ZBTB46: variants seen among roughly 807,000 people sequenced by gnomAD.
ZBTB46 encodes zinc finger and BTB domain-containing protein 46.
A neutral mutation model predicts 44.1 loss-of-function variants in ZBTB46; 8 were observed. The ratio of observed to expected loss-of-function variants is 0.18; its 90% CI spans 0.11 to 0.33. The LOEUF is 0.33. Ranked by LOEUF, ZBTB46 falls within the 10% of genes least tolerant of loss-of-function variation. The pLI is 1.00. For missense variants in ZBTB46, 651 were observed against 847.7 expected (o/e 0.77, Z 2.88); for synonymous variants, 409 against 382.3 (o/e 1.07, Z -0.81).
At chr20:63,764,605 G>GTT (rs11479608) in intron 3 of ZBTB46, among the ~76,000 whole-genome samples, 6 of 141,874 alleles carry the variant, frequency 4.2e-5, no homozygotes, top group Non-Finnish European at 6.1e-5. Context: ...TTTTTTCTCT[G>GTT]TTTTTTTTTT....
At chr20:63,753,659 T>A (rs540150656) in intron 3 of ZBTB46, among the ~76,000 whole-genome samples, 34 of 152,384 alleles carry the variant, frequency 2.2e-4, no homozygotes, top group African/African-American at 8.2e-4. Context: ...TGCACGCATG[T>A]GCCGAGGGCT....
At chr20:63,778,867 A>G (rs774813226) in intron 2 of ZBTB46, among the ~76,000 whole-genome samples, 44 of 152,246 alleles carry the variant, frequency 2.9e-4, no homozygotes, top group Non-Finnish European at 5.0e-4. Context: ...ATGACAAAAT[A>G]CCACAGGCAG....
rs777532175 is a variant in ZBTB46, at chr20:63,746,925, C to T, written c.*5G>A. The T allele has an allele frequency of 1.7e-5, 26 of 1,518,806 alleles. No homozygotes were observed. The highest frequency in any genetic ancestry group is 5.1e-5 in the South Asian group (4 of 79,046). The allele number at this position is 1,518,806 out of a possible 1,614,324, so 94.1% of individuals were successfully genotyped here. The stretch of plus-strand genomic sequence containing the variant: ...GGCAGCCACCGACCCTGCCGGCGGG[C>T]GGGCCTAGGAGAGCCAGGCGAAGTC... On this transcript the variant is annotated 3_prime_UTR_variant, in exon 5 of 5. Transcript: ENST00000245663.
intron 3 of ZBTB46, among the ~76,000 whole-genome samples, chr20:63,770,102 C>T (rs2092354576): frequency 6.6e-6 from 1 of 152,262 alleles, no homozygotes; most frequent in Non-Finnish European, 1.5e-5. Context: ...GCTCCAGAGG[C>T]CGCGTCCCAC....
In ZBTB46 at chr20:63,815,545, G is replaced by A. The variant is rs1250215435; in HGVS notation, c.-34+15552C>T. On this transcript the variant is annotated intron_variant, in intron 1 of 4. Coordinates refer to ENST00000245663, the MANE Select transcript of ZBTB46 (RefSeq NM_001369741.1). ...GCAGGTGGGCACAGGTCCAGTGGGTGCAGGTGCAGTGGGTGCAGATGGGCA... is the reference window on the plus strand; with the variant it reads ...GCAGGTGGGCACAGGTCCAGTGGGTACAGGTGCAGTGGGTGCAGATGGGCA... Among the ~76,000 whole-genome samples the A allele has an allele frequency of 1.1e-4, 11 of 98,314 alleles. No homozygotes were observed. The South Asian group carries it at 1.6e-3, about 14-fold the overall frequency. 64.5% of individuals were successfully genotyped at this position (98,314 alleles called of 152,430 possible). A position where few individuals can be genotyped will look rare whatever the true frequency, so the allele number is the denominator to read the frequency against.
intron 1 of ZBTB46, among the ~76,000 whole-genome samples, chr20:63,802,418 T>C (rs1264404397): frequency 6.7e-6 from 1 of 150,272 alleles, no homozygotes; most frequent in East Asian, 2.0e-4. Flanking sequence ...TGAGACCCTC[T>C]CAAAAAAAAA....
intron 3 of ZBTB46, among the ~76,000 whole-genome samples, chr20:63,773,350 G>T (rs148722006): frequency 6.6e-6 from 1 of 150,664 alleles, no homozygotes; most frequent in Non-Finnish European, 1.5e-5. Flanking sequence ...CACCTCAGCC[G>T]CCTGAGTAGC....
At chr20:63,751,630 C>T (rs969962199) in intron 4 of ZBTB46, among the ~76,000 whole-genome samples, 1 of 149,404 alleles carries the variant, frequency 6.7e-6, no homozygotes, top group African/African-American at 2.5e-5. Context: ...CCCAGTGGGT[C>T]TCCCCATAAA....
Position 63,803,595 on chromosome 20 carries a change from C to T in ZBTB46, c.-33-12805G>A. 1.1e-6 allele frequency: 1 copy of T among 885,868 alleles called. No individual in the cohort carries two copies. The highest frequency in any genetic ancestry group is 1.4e-6 in the Non-Finnish European group (1 of 739,270). The allele number at this position is 885,868 out of a possible 1,614,324, so 54.9% of individuals were successfully genotyped here. ...GGGCTGCCCAGGTCTCTGTCGGAGGCCCTGCCAGCCCCGCCCCTCCCTGCC... is the reference window on the plus strand; with the variant it reads ...GGGCTGCCCAGGTCTCTGTCGGAGGTCCTGCCAGCCCCGCCCCTCCCTGCC... On this transcript the variant is annotated intron_variant, in intron 1 of 4. Transcript: ENST00000245663. This position sits in a 1 kb window ranked among gnomAD's most constrained non-coding sequence, Gnocchi z 4.0.
At chr20:63,815,167 ACAGGTGCAGTGGGCC>A (rs1316548487) in intron 1 of ZBTB46, 29 of 236,584 alleles carry the variant, frequency 1.2e-4, no homozygotes, top group South Asian at 5.8e-4. Context: ...AGCTGAAGGC[ACAGGTGCAGTGGGCC>A]CAGGTGCAGT....
At chr20:63,823,689 C>A (rs1017743040) in intron 1 of ZBTB46, among the ~76,000 whole-genome samples, 3 of 151,926 alleles carry the variant, frequency 2.0e-5, no homozygotes, top group African/African-American at 7.3e-5. Context: ...CAGAACGAGG[C>A]CCCTTCTCAA....
chr20:63,777,637 C>T (rs548614182), intron 2 of ZBTB46, among the ~76,000 whole-genome samples: 57 of 152,258 alleles, frequency 3.7e-4, no homozygotes, highest in Non-Finnish European at 6.9e-4. Context: ...TCCACATGTA[C>T]GCATGCAGAT....
At chr20:63,783,827 A>T (rs1432766182) in intron 2 of ZBTB46, among the ~76,000 whole-genome samples, 1 of 152,136 alleles carries the variant, frequency 6.6e-6, no homozygotes, top group Non-Finnish European at 1.5e-5. Flanking sequence ...AAATAAAAAG[A>T]CCATCCCAAG....
At chr20:63,760,040 G>GT (rs2092260052) in intron 3 of ZBTB46, among the ~76,000 whole-genome samples, 1 of 152,170 alleles carries the variant, frequency 6.6e-6, no homozygotes, top group Admixed American at 6.5e-5. Context: ...CAATTTGCTG[G>GT]TATTTACTTT....
intron 1 of ZBTB46, among the ~76,000 whole-genome samples, chr20:63,830,814 ACCCGCGCCGCCCCCGCGCGCCCCGC>A (rs1300833314): frequency 2.3e-5 from 3 of 133,002 alleles, no homozygotes; most frequent in Non-Finnish European, 3.2e-5. Flanking sequence ...CCCGCGGGGA[ACCCGCGCCGCCCCCGCGCGCCCCGC>A]CCCGCGCCGC....
At chr20:63,829,183 G>A (rs2092835153) in intron 1 of ZBTB46, among the ~76,000 whole-genome samples, 1 of 152,208 alleles carries the variant, frequency 6.6e-6, no homozygotes, top group Non-Finnish European at 1.5e-5. Context: ...CACTGGGTCA[G>A]CCTGGCCCTG....
chr20:63,746,829 CGA>C lies in ZBTB46; in HGVS notation c.*99_*100del. On this transcript the variant is annotated 3_prime_UTR_variant, in exon 5 of 5. Coordinates refer to ENST00000245663, the MANE Select transcript of ZBTB46 (RefSeq NM_001369741.1). ...TCAGGGGGAAGCAGAGGAGGGGCCG[CGA>C]GAGGGGTGAGCGTGGCCCTGGCCCC... The C allele has an allele frequency of 1.4e-6, 2 of 1,409,440 alleles. No individual in the cohort carries two copies. Among genetic ancestry groups the C allele is most frequent in the Non-Finnish European group, 1.8e-6 (2 of 1,084,482 alleles). 87.3% of individuals were successfully genotyped at this position (1,409,440 alleles called of 1,614,324 possible).
In ZBTB46 at chr20:63,787,801, T is replaced by C. The variant is rs1389905493; in HGVS notation, c.937+2020A>G. On this transcript the variant is annotated intron_variant, in intron 2 of 4. Coordinates refer to ENST00000245663, the MANE Select transcript of ZBTB46 (RefSeq NM_001369741.1). This position sits in a 1 kb window ranked among gnomAD's most constrained non-coding sequence, Gnocchi z 4.6. The stretch of plus-strand genomic sequence containing the variant: ...CATTATGTATGTTCTACCACAATGA[T>C]AAAAGTTAACGTATTATCGAGCTGT... The C allele has an allele frequency of 1.3e-5, 2 of 152,230 alleles. No homozygotes were observed. The highest frequency in any genetic ancestry group is 6.5e-5 in the Admixed American group (1 of 15,286). The allele number at this position is 152,230 out of a possible 1,614,324, so 9.4% of individuals were successfully genotyped here. A position where few individuals can be genotyped will look rare whatever the true frequency, so the allele number is the denominator to read the frequency against.
At chr20:63,826,732 G>A (rs1255873542) in intron 1 of ZBTB46, among the ~76,000 whole-genome samples, 1 of 152,164 alleles carries the variant, frequency 6.6e-6, no homozygotes, top group East Asian at 1.9e-4. Flanking sequence ...CTCAAAAAAA[G>A]AAATGCTTCA....
Sources: allele counts gnomAD v4.1 joint callset (sites outside exome capture counted in the v4.1 genomes callset), GRCh38; gene constraint gnomAD v4.1.1; non-coding constraint Gnocchi (gnomAD v3.1); transcripts MANE v1.5; gene names NCBI Gene and HGNC (gene_info 2026-07-23, HGNC 2026-07-21).